The following TNFSF15 variants were observed in gnomAD, a reference collection of about 807,000 sequenced individuals.
The protein encoded by TNFSF15 is TNF superfamily member 15.
Under a neutral mutation model 26.4 loss-of-function variants are expected in TNFSF15, and 15 were observed. The ratio of observed to expected loss-of-function variants is 0.57; its 90% CI spans 0.38 to 0.87. TNFSF15 has a LOEUF of 0.87. TNFSF15 is among the 40% of genes least tolerant of loss of function. The pLI is 0.00. For synonymous variants in TNFSF15, 116 were observed against 115.0 expected (o/e 1.01, Z -0.06); for missense variants, 290 against 306.1 (o/e 0.95, Z 0.39).
chr9:114,800,795 C>G (rs917660424), intron 1 of TNFSF15, among the ~76,000 whole-genome samples: 4 of 152,190 alleles, frequency 2.6e-5, no homozygotes, highest in Admixed American at 1.3e-4. Flanking sequence ...AGTGTGGTTT[C>G]TGCTATATAA....
chr9:114,798,790 G>A (rs929987797), intron 1 of TNFSF15, among the ~76,000 whole-genome samples: 9 of 152,086 alleles, frequency 5.9e-5, no homozygotes, highest in African/African-American at 2.2e-4. Flanking sequence ...AGATTTCCTG[G>A]CATTTCCCCA....
At chr9:114,798,489 G>T (rs1829701496) in intron 1 of TNFSF15, among the ~76,000 whole-genome samples, 1 of 152,040 alleles carries the variant, frequency 6.6e-6, no homozygotes, top group African/African-American at 2.4e-5. Flanking sequence ...AGCATAAAGA[G>T]GAGATTGAAG....
intron 1 of TNFSF15, among the ~76,000 whole-genome samples, chr9:114,804,412 G>A (rs1029537351): frequency 4.6e-5 from 7 of 152,196 alleles, no homozygotes; most frequent in African/African-American, 9.6e-5. Context: ...GGCAGTCCTC[G>A]CCTTCTGCTG....
intron 1 of TNFSF15, 46 bp from the exon 2 acceptor site, chr9:114,793,614 A>G: frequency 1.3e-6 from 2 of 1,579,622 alleles, no homozygotes; most frequent in Admixed American, 1.7e-5. Context: ...GGTCCTTTTG[A>G]TCCCAACACT....
rs1829532644 is a variant in TNFSF15, at chr9:114,787,928, T to A, written c.*2524A>T. Reference sequence around the variant, plus strand: ...AGGAAATTCCTGTCTTGGGATAAATTTCCAGATCCACCAGATCACCTACAG... The same window carrying A: ...AGGAAATTCCTGTCTTGGGATAAATATCCAGATCCACCAGATCACCTACAG... On this transcript the variant is annotated 3_prime_UTR_variant, in exon 4 of 4. Transcript: ENST00000374045. The A allele has an allele frequency of 6.5e-6, 1 of 153,644 alleles. No homozygotes were observed. The highest frequency in any genetic ancestry group is 2.4e-5 in the African/African-American group (1 of 41,438). 9.5% of individuals were successfully genotyped at this position (153,644 alleles called of 1,614,324 possible). A position where few individuals can be genotyped will look rare whatever the true frequency, so the allele number is the denominator to read the frequency against.
At chr9:114,791,674 A>C (rs1829599979) in intron 3 of TNFSF15, 1 of 167,092 alleles carries the variant, frequency 6.0e-6, no homozygotes, top group African/African-American at 2.4e-5. Context: ...GAGGTATAGG[A>C]ACTCTAGGTG....
At chr9:114,797,428 A>C (rs1407939720) in intron 1 of TNFSF15, among the ~76,000 whole-genome samples, 1 of 152,238 alleles carries the variant, frequency 6.6e-6, no homozygotes, top group African/African-American at 2.4e-5. Flanking sequence ...CTCTTTCTCC[A>C]AGAACAACAT....
intron 1 of TNFSF15, among the ~76,000 whole-genome samples, chr9:114,797,295 A>C (rs1829684014): frequency 6.6e-6 from 1 of 152,142 alleles, no homozygotes; most frequent in African/African-American, 2.4e-5. Context: ...TTTTATTTTC[A>C]TATATGGATG....
rs184798742 is a variant in TNFSF15, at chr9:114,795,739, A to G, written c.211-2171T>C. Among the ~76,000 whole-genome samples, 48 of 152,302 alleles carry G rather than the reference A, an allele frequency of 3.2e-4. No homozygotes were observed. In the East Asian group the frequency reaches 9.1e-3, roughly 29 times the overall value. On this transcript the variant is annotated intron_variant, in intron 1 of 3. Coordinates refer to ENST00000374045, the MANE Select transcript of TNFSF15 (RefSeq NM_005118.4). ...AATTGTGTGTCTGTGTGAGTGTGAGAGAATACAGCTCCATCAGTGGGGAGA... is the reference window on the plus strand; with the variant it reads ...AATTGTGTGTCTGTGTGAGTGTGAGGGAATACAGCTCCATCAGTGGGGAGA...
chr9:114,795,621 T>A (rs1197964724), intron 1 of TNFSF15, among the ~76,000 whole-genome samples: 1 of 152,206 alleles, frequency 6.6e-6, no homozygotes, highest in Non-Finnish European at 1.5e-5. Flanking sequence ...CCATTTTATA[T>A]CAAGGACTTC....
rs889459880 is a variant in TNFSF15, at chr9:114,790,172, A to G, written c.*280T>C. 11 of 298,688 alleles carry G rather than the reference A, an allele frequency of 3.7e-5. No homozygotes were observed. Among genetic ancestry groups the G allele is most frequent in the Non-Finnish European group, 6.8e-5 (11 of 160,708 alleles). 18.5% of individuals were successfully genotyped at this position (298,688 alleles called of 1,614,324 possible). A position where few individuals can be genotyped will look rare whatever the true frequency, so the allele number is the denominator to read the frequency against. On this transcript the variant is annotated 3_prime_UTR_variant, in exon 4 of 4. Transcript: ENST00000374045. Reference sequence around the variant, plus strand: ...CCTGACCCGAGTAGATCATCCATTCATTTAGTGATCAGTGTCTTAATATTT... The same window carrying G: ...CCTGACCCGAGTAGATCATCCATTCGTTTAGTGATCAGTGTCTTAATATTT...
In TNFSF15 at chr9:114,784,715, C is replaced by A. The variant is rs1829468745; in HGVS notation, c.*5737G>T. ...AAATATATTAACACATACAACATTT[C>A]ATTTACAGAGATTAGAATTCATACA... On this transcript the variant is annotated 3_prime_UTR_variant, in exon 4 of 4. Transcript: ENST00000374045. 1 of 152,208 alleles carries A rather than the reference C, an allele frequency of 6.6e-6. No homozygotes were observed. The highest frequency in any genetic ancestry group is 6.5e-5 in the Admixed American group (1 of 15,288). 9.4% of individuals were successfully genotyped at this position (152,208 alleles called of 1,614,324 possible).
intron 3 of TNFSF15, 140 bp downstream of exon 3, chr9:114,792,257 ACACACACACT>A (rs1829613640): frequency 2.1e-5 from 14 of 677,586 alleles, no homozygotes; most frequent in African/African-American, 1.1e-4. Flanking sequence ...ACACACACAC[ACACACACACT>A]GGAATATTGA....
At chr9:114,797,411 T>C (rs1361911367) in intron 1 of TNFSF15, among the ~76,000 whole-genome samples, 1 of 152,242 alleles carries the variant, frequency 6.6e-6, no homozygotes, top group Non-Finnish European at 1.5e-5. Flanking sequence ...AAGGACGTCA[T>C]TTGAGACTCT....
intron 1 of TNFSF15, among the ~76,000 whole-genome samples, chr9:114,801,009 G>A (rs1829740745): frequency 6.6e-6 from 1 of 152,166 alleles, no homozygotes; most frequent in African/African-American, 2.4e-5. Flanking sequence ...AGGTTGGAGG[G>A]AACCAAGGAG....
intron 1 of TNFSF15, among the ~76,000 whole-genome samples, chr9:114,799,865 G>T (rs1028972998): frequency 7.9e-5 from 12 of 152,196 alleles, no homozygotes; most frequent in African/African-American, 2.7e-4. Context: ...CACTTCCTCA[G>T]TGCACCTTCA....
intron 1 of TNFSF15, among the ~76,000 whole-genome samples, chr9:114,795,068 T>A (rs925618219): frequency 6.6e-6 from 1 of 152,186 alleles, no homozygotes; most frequent in East Asian, 1.9e-4. Flanking sequence ...ATAGAAATGA[T>A]AAATACTCAA....
intron 1 of TNFSF15, among the ~76,000 whole-genome samples, chr9:114,803,035 GA>G (rs770306481): frequency 4.1e-4 from 62 of 152,262 alleles, no homozygotes; most frequent in Non-Finnish European, 6.2e-4. Context: ...GCGATCATCT[GA>G]CTGGTTTTTA....
At chr9:114,792,644 T>C in intron 2 of TNFSF15, 190 bp from the exon 3 acceptor site, 1 of 1,344,738 alleles carries the variant, frequency 7.4e-7, no homozygotes, top group East Asian at 2.5e-5. Flanking sequence ...AAGGACAGGG[T>C]GACTCAGAAG....
Sources: allele counts gnomAD v4.1 joint callset (sites outside exome capture counted in the v4.1 genomes callset), GRCh38; gene constraint gnomAD v4.1.1; transcripts MANE v1.5; gene names NCBI Gene and HGNC (gene_info 2026-07-23, HGNC 2026-07-21).